The following SMC4 variants were observed in gnomAD, a reference collection of about 807,000 sequenced individuals.
SMC4 encodes structural maintenance of chromosomes 4.
Under a neutral mutation model 145.6 loss-of-function variants are expected in SMC4, and 87 were observed. That is an observed-to-expected ratio of 0.60 (90% CI 0.50 to 0.71). The LOEUF (loss-of-function observed/expected upper bound fraction) is 0.71, where lower values mean the gene tolerates loss of function less well. Among genes scored for constraint, SMC4 ranks in the 30% least tolerant of loss-of-function variants. The pLI, the probability that SMC4 is intolerant of heterozygous loss-of-function variation, is 0.00. For synonymous variants in SMC4, 558 were observed against 500.7 expected (o/e 1.11, Z -1.53); for missense variants, 1,447 against 1,537.1 (o/e 0.94, Z 0.98).
At chr3:160,410,187 A>C (rs1715830519) in intron 5 of SMC4, among the ~76,000 whole-genome samples, 1 of 152,338 alleles carries the variant, frequency 6.6e-6, no homozygotes, top group South Asian at 2.1e-4. Context: ...GTCTGAAGAC[A>C]GTTTCGGTTG....
Position 160,434,408 on chromosome 3 carries a change from T to C in SMC4, c.*599T>C, listed in dbSNP as rs1718762730. The C allele has an allele frequency of 6.6e-6, 1 of 152,200 alleles. No individual in the cohort carries two copies. 9.4% of individuals were successfully genotyped at this position (152,200 alleles called of 1,614,324 possible). On this transcript the variant is annotated 3_prime_UTR_variant, in exon 24 of 24. Coordinates refer to ENST00000357388, the MANE Select transcript of SMC4 (RefSeq NM_001002800.3). ...CAACAAGCCTAGGCTATCTCGTAAG[T>C]TGAAAAATATCCCACTATAGTTGCT... is the stretch of plus-strand genomic sequence containing the variant.
At chr3:160,408,175 G>A (rs1715559436) in intron 5 of SMC4, among the ~76,000 whole-genome samples, 1 of 152,152 alleles carries the variant, frequency 6.6e-6, no homozygotes, top group Non-Finnish European at 1.5e-5. Context: ...AAAATAAAGA[G>A]AAGAATAATT....
intron 5 of SMC4, among the ~76,000 whole-genome samples, chr3:160,405,753 G>A (rs565436393): frequency 1.4e-4 from 22 of 151,970 alleles, no homozygotes; most frequent in Non-Finnish European, 2.1e-4. Flanking sequence ...ATAGAATGTG[G>A]CATTAAAGGA....
Position 160,414,388 on chromosome 3 carries a change from AT to A in SMC4, c.1146del (p.Phe382LeufsTer12). On this transcript the variant is annotated frameshift_variant, in exon 9 of 24. Transcript: ENST00000357388. LOFTEE classifies it high-confidence loss of function. The stretch of plus-strand genomic sequence containing the variant: ...CTAGGAAACTGAATAAAATTACAAA[AT>A]TTATTGAGGAGAATAAAGAAAAATT... The part of the protein sequence containing the change: ...TEKKLNKITK[F>X]IEENKEKFTQ... 6.2e-7 allele frequency: 1 copy of A among 1,602,242 alleles called. No individual in the cohort carries two copies. The highest frequency in any genetic ancestry group is 8.5e-7 in the Non-Finnish European group (1 of 1,170,930).
chr3:160,418,885 C>G (rs1437103304), intron 11 of SMC4, among the ~76,000 whole-genome samples: 3 of 152,064 alleles, frequency 2.0e-5, no homozygotes, highest in African/African-American at 7.2e-5. Context: ...ATAGGACTAT[C>G]CAGTCATCTT....
At chr3:160,414,620 C>A (rs1716398147) in intron 9 of SMC4, 103 bp downstream of exon 9, 1 of 1,118,228 alleles carries the variant, frequency 8.9e-7, no homozygotes, top group Non-Finnish European at 1.3e-6. Context: ...AATTAGTATT[C>A]TAAATGTTGT....
intron 4 of SMC4, 56 bp downstream of exon 4, chr3:160,402,923 C>T (rs1714866324): frequency 3.2e-6 from 4 of 1,253,330 alleles, no homozygotes; most frequent in Non-Finnish European, 4.3e-6. Flanking sequence ...GACTTAAATG[C>T]ATTACATATT....
intron 18 of SMC4, among the ~76,000 whole-genome samples, chr3:160,429,926 A>G (rs548121149): frequency 6.6e-6 from 1 of 151,748 alleles, no homozygotes; most frequent in Admixed American, 6.6e-5. Context: ...CATGTTGGTC[A>G]GGCTGGTCTT....
At chr3:160,426,331 T>C (rs1717793033) in intron 17 of SMC4, 131 bp downstream of exon 17, 1 of 718,836 alleles carries the variant, frequency 1.4e-6, no homozygotes, top group African/African-American at 1.8e-5. Flanking sequence ...TTATGGTGTT[T>C]GTTATAAAGT....
intron 6 of SMC4, 97 bp from the exon 7 acceptor site, chr3:160,412,229 C>T (rs541581970): frequency 7.0e-7 from 1 of 1,420,410 alleles, no homozygotes; most frequent in South Asian, 1.4e-5. Context: ...GATGAACATT[C>T]TCCTTATTAA....
chr3:160,428,969 GT>G, intron 18 of SMC4, 27 bp downstream of exon 18: 1 of 1,531,398 alleles, frequency 6.5e-7, no homozygotes, highest in Non-Finnish European at 8.7e-7. Flanking sequence ...ACCCTAACTT[GT>G]TTTCCCTTTC....
In SMC4 at chr3:160,424,864, T is replaced by C; in HGVS notation, c.2326-3T>C. On this transcript the variant is annotated splice_polypyrimidine_tract_variant and splice_region_variant and intron_variant, in intron 15 of 23. Coordinates refer to ENST00000357388, the MANE Select transcript of SMC4 (RefSeq NM_001002800.3). ...TGGCTCTTAGAGAAAACTTTCTTTGTAGGTAAACAAAATGGAATCACAGTT... is the reference window on the plus strand; with the variant it reads ...TGGCTCTTAGAGAAAACTTTCTTTGCAGGTAAACAAAATGGAATCACAGTT... 1 of 1,613,332 alleles carries C rather than the reference T, an allele frequency of 6.2e-7. No homozygotes were observed. Among genetic ancestry groups the C allele is most frequent in the Non-Finnish European group, 8.5e-7 (1 of 1,179,856 alleles).
chr3:160,423,382 TTTG>T (rs1717405193), intron 13 of SMC4, 40 bp from the exon 14 acceptor site: 8 of 1,236,704 alleles, frequency 6.5e-6, no homozygotes, highest in Non-Finnish European at 8.9e-6. Context: ...AGTTTTCTTT[TTTG>T]TTAACTGTTG....
intron 7 of SMC4, among the ~76,000 whole-genome samples, chr3:160,413,207 C>T (rs1248939588): frequency 6.6e-6 from 1 of 151,990 alleles, no homozygotes; most frequent in Non-Finnish European, 1.5e-5. Context: ...TGGTCTCAAA[C>T]TTCTGAGTTC....
chr3:160,416,647 T>A, intron 10 of SMC4: 1 of 278,494 alleles, frequency 3.6e-6, no homozygotes, highest in South Asian at 8.8e-5. Context: ...AGGTGTGATG[T>A]CAAATACAGT....
intron 4 of SMC4, 111 bp downstream of exon 4, chr3:160,402,978 C>A: frequency 1.4e-6 from 1 of 711,098 alleles, no homozygotes; most frequent in Non-Finnish European, 2.2e-6. Context: ...CAGCGGAAAG[C>A]ATTGGTTTCA....
rs1390668922 is a variant in SMC4 at position 160,411,900 on chromosome 3, A to G, written c.688-20A>G. 6.2e-7 allele frequency: 1 copy of G among 1,607,942 alleles called. No individual in the cohort carries two copies. Among genetic ancestry groups the G allele is most frequent in the East Asian group, 2.2e-5 (1 of 44,722 alleles). Reference sequence around the variant, plus strand: ...AGCTAAACATACACAGTGAGTATGAAATATAACTTTTTTTTAAAGGGTGAA... The same window carrying G: ...AGCTAAACATACACAGTGAGTATGAGATATAACTTTTTTTTAAAGGGTGAA... On this transcript the variant is annotated intron_variant, in intron 5 of 23. Coordinates refer to ENST00000357388, the MANE Select transcript of SMC4 (RefSeq NM_001002800.3).
At chr3:160,404,224 T>C in intron 4 of SMC4, 104 bp from the exon 5 acceptor site, 1 of 1,076,120 alleles carries the variant, frequency 9.3e-7, no homozygotes, top group South Asian at 1.5e-5. Flanking sequence ...AATTGAAGTT[T>C]TTAATCCATA....
At chr3:160,429,032 T>C in intron 18 of SMC4, 90 bp downstream of exon 18, 1 of 1,088,764 alleles carries the variant, frequency 9.2e-7, no homozygotes, top group Non-Finnish European at 1.3e-6. Context: ...ATAAAATGTT[T>C]CTCTTACTGT....
Sources: gnomAD v4.1 joint callset for allele counts (sites outside exome capture counted in the v4.1 genomes callset) on GRCh38, gnomAD v4.1.1 for gene constraint, MANE v1.5 for transcripts, NCBI Gene and HGNC (gene_info 2026-07-23, HGNC 2026-07-21) for gene names.